Variants in ACYP2 observed in about 807,000 individuals in gnomAD.
ACYP2 encodes acylphosphatase 2.
A neutral mutation model predicts 11.2 loss-of-function variants in ACYP2; 12 were observed. That is an observed-to-expected ratio of 1.08 (90% CI 0.69 to 1.74). The LOEUF (loss-of-function observed/expected upper bound fraction) is 1.74, where lower values mean the gene tolerates loss of function less well. Ranked by LOEUF, ACYP2 falls within the 40% of genes most tolerant of loss-of-function variation. The probability of loss-of-function intolerance (pLI) is 0.00; values close to 1 mark genes in which losing one functional copy is unlikely to be tolerated. For missense variants in ACYP2, 134 were observed against 101.9 expected (o/e 1.31, Z -1.35); for synonymous variants, 43 against 32.2 (o/e 1.33, Z -1.13).
chr2:53,981,768 C>T (rs1490546080), intron 2 of ACYP2, among the ~76,000 whole-genome samples: 1 of 152,050 alleles, frequency 6.6e-6, no homozygotes, highest in African/African-American at 2.4e-5. Flanking sequence ...TAGGCTACAC[C>T]ATATAGCCAA....
chr2:54,116,393 T>C (rs981455915), intron 4 of ACYP2, among the ~76,000 whole-genome samples: 1 of 152,130 alleles, frequency 6.6e-6, no homozygotes, highest in Non-Finnish European at 1.5e-5. Context: ...CCATCTTCAT[T>C]TAAAATAAAA....
At chr2:54,248,370 C>T (rs62139200) in intron 6 of ACYP2, among the ~76,000 whole-genome samples, 20,053 of 152,210 alleles carry the variant, frequency 0.13, 1,278 homozygotes, top group East Asian at 0.17. Flanking sequence ...GATTCCTACT[C>T]TACACATTTA....
rs1308924721 is a variant in ACYP2, at chr2:53,990,575, G to A, written c.62+16765G>A. 2.7e-5 allele frequency among the ~76,000 whole-genome samples: 4 copies of A among 150,426 alleles called. No homozygotes were observed. In the South Asian group the frequency reaches 8.5e-4, roughly 32 times the overall value. The stretch of plus-strand genomic sequence containing the variant: ...GAGGCAGGAGAATCTGTTGAACCCG[G>A]GAGGTGCAGTTTGCAGCGAGCCGAG... On this transcript the variant is annotated intron_variant, in intron 2 of 6. Transcript: ENST00000607452.
chr2:54,104,072 G>C (rs947268300), intron 4 of ACYP2, among the ~76,000 whole-genome samples: 1 of 152,198 alleles, frequency 6.6e-6, no homozygotes, highest in Non-Finnish European at 1.5e-5. Context: ...TGTAACTGTG[G>C]GTACTGCCTC....
At chr2:54,173,695 C>A (rs1266726742) in intron 6 of ACYP2, among the ~76,000 whole-genome samples, 1 of 151,944 alleles carries the variant, frequency 6.6e-6, no homozygotes, top group Non-Finnish European at 1.5e-5. Flanking sequence ...GTCTTTAGTC[C>A]ATCTTGAATT....
chr2:54,086,013 G>T (rs139676558), intron 4 of ACYP2, among the ~76,000 whole-genome samples: 1 of 151,970 alleles, frequency 6.6e-6, no homozygotes, highest in Non-Finnish European at 1.5e-5. Flanking sequence ...GCGCAGTCTC[G>T]GCTCACTGCA....
intron 2 of ACYP2, among the ~76,000 whole-genome samples, chr2:53,975,771 G>T (rs1671448956): frequency 6.6e-6 from 1 of 152,172 alleles, no homozygotes. Flanking sequence ...GGCAGAGGTT[G>T]CAGTGAGCCA....
At position 54,003,088 on chromosome 2, in the gene ACYP2, A is replaced by G. The variant is rs567867332; in HGVS notation, c.62+29278A>G. ...CTCAGCCTCCCAAGTAGCTGGGATT[A>G]CAGGCATGCGCCATCATGCACAGCT... On this transcript the variant is annotated intron_variant, in intron 2 of 6. Transcript: ENST00000607452. Among the ~76,000 whole-genome samples the G allele has an allele frequency of 2.0e-5, 3 of 152,186 alleles. No individual in the cohort carries two copies. In the East Asian group the frequency reaches 5.8e-4, roughly 29 times the overall value.
chr2:54,273,206 C>A (rs1430807035), intron 6 of ACYP2, among the ~76,000 whole-genome samples: 1 of 152,224 alleles, frequency 6.6e-6, no homozygotes, highest in Non-Finnish European at 1.5e-5. Flanking sequence ...CTATGGTGCA[C>A]ATGCATTAAC....
chr2:54,186,721 C>G (rs1684019688), intron 6 of ACYP2, among the ~76,000 whole-genome samples: 1 of 151,982 alleles, frequency 6.6e-6, no homozygotes, highest in African/African-American at 2.4e-5. Flanking sequence ...ACCATGTTGG[C>G]CAGGCTGGTC....
chr2:53,998,499 A>G (rs948453739), intron 2 of ACYP2, among the ~76,000 whole-genome samples: 11 of 152,182 alleles, frequency 7.2e-5, no homozygotes, highest in Non-Finnish European at 1.2e-4. Flanking sequence ...CAGACCCAAA[A>G]TATTAGTGAC....
chr2:54,137,305 C>T (rs907352182), intron 5 of ACYP2, among the ~76,000 whole-genome samples: 4 of 152,004 alleles, frequency 2.6e-5, no homozygotes, highest in Admixed American at 6.6e-5. Context: ...TTAGGTTCAG[C>T]GGTACTCATA....
At chr2:53,995,550 C>T (rs1475470295) in intron 2 of ACYP2, among the ~76,000 whole-genome samples, 1 of 148,358 alleles carries the variant, frequency 6.7e-6, no homozygotes, top group Non-Finnish European at 1.5e-5. Context: ...GTTGCCCAGG[C>T]TGGAATGTAG....
intron 4 of ACYP2, chr2:54,115,395 C>T: frequency 1.6e-6 from 1 of 610,036 alleles, no homozygotes; most frequent in South Asian, 2.3e-5. Flanking sequence ...AACAGAGTAC[C>T]TTGATCAATT....
chr2:54,149,883 C>T (rs549805936), intron 6 of ACYP2, among the ~76,000 whole-genome samples: 2 of 152,126 alleles, frequency 1.3e-5, no homozygotes, highest in Non-Finnish European at 2.9e-5. Context: ...AGAAAAAATA[C>T]TTGAAATCAT....
At chr2:54,240,926 G>A (rs843655) in intron 6 of ACYP2, among the ~76,000 whole-genome samples, 36,374 of 152,124 alleles carry the variant, frequency 0.24, 4,638 homozygotes, top group South Asian at 0.37. Context: ...CATTTAGGCC[G>A]AGGAGATGAA....
At chr2:54,158,108 C>T (rs901338290) in intron 6 of ACYP2, among the ~76,000 whole-genome samples, 2 of 151,958 alleles carry the variant, frequency 1.3e-5, no homozygotes, top group East Asian at 3.9e-4. Flanking sequence ...TCGCTGCAAC[C>T]TCTGCCTCCC....
At chr2:54,164,222 T>C (rs1296377692) in intron 6 of ACYP2, among the ~76,000 whole-genome samples, 1 of 152,104 alleles carries the variant, frequency 6.6e-6, no homozygotes, top group African/African-American at 2.4e-5. Flanking sequence ...GTGAAGCTTC[T>C]AGGAGTGAAT....
At chr2:54,182,271 G>A (rs994960035) in intron 6 of ACYP2, among the ~76,000 whole-genome samples, 2 of 151,738 alleles carry the variant, frequency 1.3e-5, no homozygotes, top group African/African-American at 2.4e-5. Context: ...TGTTGGCCAG[G>A]CTGGTCTCAA....
Sources: gnomAD v4.1 joint callset for allele counts (sites outside exome capture counted in the v4.1 genomes callset) on GRCh38, gnomAD v4.1.1 for gene constraint, MANE v1.5 for transcripts, NCBI Gene and HGNC (gene_info 2026-07-23, HGNC 2026-07-21) for gene names.